The following ARHGAP8 variants were observed in gnomAD, a reference collection of about 807,000 sequenced individuals.
ARHGAP8 encodes rho GTPase-activating protein 8.
A neutral mutation model predicts 46.1 loss-of-function variants in ARHGAP8; 62 were observed. The ratio of observed to expected loss-of-function variants is 1.34; its 90% CI spans 1.10 to 1.66. ARHGAP8 has a LOEUF of 1.66. Among genes scored for constraint, ARHGAP8 ranks in the 40% most tolerant of loss-of-function variants. The pLI is 0.00. For missense variants in ARHGAP8, 923 were observed against 568.4 expected, an observed-to-expected ratio of 1.62 and a Z score of -6.34; for synonymous variants, 375 against 243.1, an observed-to-expected ratio of 1.54 and a Z score of -5.05.
chr22:44,789,402 C>T (rs1927502830), intron 2 of ARHGAP8, among the ~76,000 whole-genome samples: 1 of 152,152 alleles, frequency 6.6e-6, no homozygotes, highest in South Asian at 2.1e-4. Flanking sequence ...CCGCCCGCCT[C>T]AGCCTCCCAA....
Position 44,780,467 on chromosome 22 carries a change from C to T in ARHGAP8, c.-71-5990C>T, listed in dbSNP as rs1309563329. Among the ~76,000 whole-genome samples, 3 of 152,214 alleles carry T rather than the reference C, an allele frequency of 2.0e-5. No homozygotes were observed. The East Asian group carries it at 5.8e-4, about 30-fold the overall frequency. ...TCTGAGGTCAGGAGTTTAAGACCAACCTGGTCAACATGGTGAAAACCCATA... is the reference window on the plus strand; with the variant it reads ...TCTGAGGTCAGGAGTTTAAGACCAATCTGGTCAACATGGTGAAAACCCATA... On this transcript the variant is annotated intron_variant, in intron 1 of 11. Transcript: ENST00000356099.
At chr22:44,844,192 G>A (rs1354737005) in intron 7 of ARHGAP8, among the ~76,000 whole-genome samples, 1 of 152,098 alleles carries the variant, frequency 6.6e-6, no homozygotes, top group Non-Finnish European at 1.5e-5. Flanking sequence ...GGCTAGGCTT[G>A]AACTCCTGAC....
At chr22:44,818,309 C>A (rs538720378) in intron 5 of ARHGAP8, among the ~76,000 whole-genome samples, 1 of 151,852 alleles carries the variant, frequency 6.6e-6, no homozygotes, top group Non-Finnish European at 1.5e-5. Context: ...ATCAGCTGGG[C>A]GTGGTGGCGC....
At chr22:44,827,349 T>TTTTTG (rs1930607109) in intron 7 of ARHGAP8, among the ~76,000 whole-genome samples, 2 of 126,666 alleles carry the variant, frequency 1.6e-5, no homozygotes, top group African/African-American at 6.3e-5. Flanking sequence ...TTTTTTTTTT[T>TTTTTG]TTTTTTTTTT....
intron 2 of ARHGAP8, among the ~76,000 whole-genome samples, chr22:44,790,331 A>T (rs1281115478): frequency 2.0e-5 from 3 of 150,628 alleles, no homozygotes; most frequent in Non-Finnish European, 4.4e-5. Context: ...GGGTTGTCAC[A>T]TGGGATGAGG....
chr22:44,811,869 C>T lies in ARHGAP8; in HGVS notation c.300-2803C>T, dbSNP rs555534816. 4.3e-4 allele frequency among the ~76,000 whole-genome samples: 65 copies of T among 152,034 alleles called. 1 individual carries two copies. The South Asian group carries it at 9.4e-3, about 22-fold the overall frequency. On this transcript the variant is annotated intron_variant, in intron 4 of 11. Transcript: ENST00000356099. ...AAAATTAGCCAGGCGTGGTGGTGCA[C>T]GCCTGTAATCTCTGCTACTCGGGAG...
intron 5 of ARHGAP8, among the ~76,000 whole-genome samples, chr22:44,821,750 C>T (rs890055328): frequency 2.0e-5 from 3 of 152,220 alleles, no homozygotes; most frequent in Non-Finnish European, 4.4e-5. Context: ...ACTTTCAGAC[C>T]CAGGCCCTGA....
chr22:44,786,631 C>T (rs1927260463), intron 2 of ARHGAP8, 25 bp downstream of exon 2: 1 of 1,607,898 alleles, frequency 6.2e-7, no homozygotes, highest in Non-Finnish European at 8.5e-7. Flanking sequence ...GGGCAGTCTG[C>T]AGGACCATGG....
chr22:44,847,643 C>T (rs9614949), intron 8 of ARHGAP8, among the ~76,000 whole-genome samples: 1,741 of 152,250 alleles, frequency 0.011, 19 homozygotes, highest in Non-Finnish European at 0.019. Context: ...CCCTTGGAGA[C>T]AGGAGCTCAT....
intron 10 of ARHGAP8, among the ~76,000 whole-genome samples, chr22:44,854,669 C>G (rs376267627): frequency 6.6e-6 from 1 of 151,250 alleles, no homozygotes; most frequent in Admixed American, 6.6e-5. Flanking sequence ...GATGGAGTCT[C>G]GCTCTGTTGC....
rs180797295 is a variant in ARHGAP8 at position 44,775,625 on chromosome 22, T to C, written c.-71-10832T>C. Among the ~76,000 whole-genome samples, 371 of 152,132 alleles carry C rather than the reference T, an allele frequency of 2.4e-3. 1 individual carries two copies. The highest frequency in any genetic ancestry group is 8.5e-3 in the African/African-American group (354 of 41,496). On this transcript the variant is annotated intron_variant, in intron 1 of 11. Transcript: ENST00000356099. Reference sequence around the variant, plus strand: ...ACCACGCCCGGCTAATTTTTTTGTATTATTAGTAGAGATGGGGTTTCATCA... The same window carrying C: ...ACCACGCCCGGCTAATTTTTTTGTACTATTAGTAGAGATGGGGTTTCATCA...
At chr22:44,857,775 G>A (rs764861694) in intron 10 of ARHGAP8, among the ~76,000 whole-genome samples, 3 of 151,980 alleles carry the variant, frequency 2.0e-5, no homozygotes, top group African/African-American at 4.8e-5. Context: ...GTGTGACCTC[G>A]GGCTAGTCAC....
intron 10 of ARHGAP8, among the ~76,000 whole-genome samples, chr22:44,854,715 T>G (rs2070179593): frequency 6.6e-6 from 1 of 152,238 alleles, no homozygotes; most frequent in Non-Finnish European, 1.5e-5. Flanking sequence ...CTCAGCTCAC[T>G]GCAACCTCTG....
intron 7 of ARHGAP8, among the ~76,000 whole-genome samples, chr22:44,835,966 G>A (rs972137965): frequency 1.3e-5 from 2 of 152,280 alleles, no homozygotes; most frequent in East Asian, 1.9e-4. Context: ...CCTCCAGGGT[G>A]GGACACTGGC....
At chr22:44,798,172 C>T (rs902572461) in intron 2 of ARHGAP8, among the ~76,000 whole-genome samples, 3 of 151,742 alleles carry the variant, frequency 2.0e-5, no homozygotes, top group East Asian at 2.0e-4. Context: ...GATGGGGTTT[C>T]ACCATGTTAG....
chr22:44,773,019 T>C (rs1261087217), intron 1 of ARHGAP8, among the ~76,000 whole-genome samples: 2 of 152,106 alleles, frequency 1.3e-5, no homozygotes, highest in Non-Finnish European at 2.9e-5. Context: ...GTCTCATATG[T>C]TGCCCAGGCC....
At position 44,862,761 on chromosome 22, in the gene ARHGAP8, G is replaced by C. The variant is rs2070564954; in HGVS notation, c.*166G>C. 2 of 845,696 alleles carry C rather than the reference G, an allele frequency of 2.4e-6. No homozygotes were observed. The highest frequency in any genetic ancestry group is 6.0e-5 in the Admixed American group (2 of 33,106). 52.4% of individuals were successfully genotyped at this position (845,696 alleles called of 1,614,324 possible). On this transcript the variant is annotated 3_prime_UTR_variant, in exon 12 of 12. Coordinates refer to ENST00000356099, the MANE Select transcript of ARHGAP8 (RefSeq NM_181335.3). ...CCTTGGACTCTTGTCCATGGTTCCT[G>C]AGCTGTGGACCGGGATAGAATAATG...
intron 2 of ARHGAP8, among the ~76,000 whole-genome samples, chr22:44,795,311 C>T (rs770945705): frequency 3.3e-5 from 5 of 152,212 alleles, no homozygotes; most frequent in Non-Finnish European, 5.9e-5. Context: ...TTGCATGTGC[C>T]GTACTCTGCC....
At chr22:44,780,687 T>G (rs1926781300) in intron 1 of ARHGAP8, among the ~76,000 whole-genome samples, 1 of 152,130 alleles carries the variant, frequency 6.6e-6, no homozygotes, top group Non-Finnish European at 1.5e-5. Context: ...AGGTATTCAG[T>G]GAAAAGTCTT....
Sources: gnomAD v4.1 joint callset for allele counts (sites outside exome capture counted in the v4.1 genomes callset) on GRCh38, gnomAD v4.1.1 for gene constraint, MANE v1.5 for transcripts, NCBI Gene and HGNC (gene_info 2026-07-23, HGNC 2026-07-21) for gene names.